Variants in FAHD1 observed in about 807,000 individuals in gnomAD.
FAHD1 encodes the protein oxaloacetate tautomerase FAHD1, mitochondrial.
FAHD1 carries 14 observed loss-of-function variants against 12.7 expected under a neutral mutation model. The observed-to-expected ratio is 1.10, with a 90% CI of 0.73 to 1.72. The LOEUF (loss-of-function observed/expected upper bound fraction) is 1.72. Among genes scored for constraint, FAHD1 ranks in the 40% most tolerant of loss-of-function variants. The probability of loss-of-function intolerance (pLI) is 0.00; values close to 1 mark genes in which losing one functional copy is unlikely to be tolerated. For synonymous variants in FAHD1, 153 were observed against 124.9 expected (o/e 1.22, Z -1.50); for missense variants, 351 against 298.9 (o/e 1.17, Z -1.29).
chr16:1,829,234 C>T (rs1325386915), downstream of FAHD1, among the ~76,000 whole-genome samples: 1 of 152,168 alleles, frequency 6.6e-6, no homozygotes, highest in African/African-American at 2.4e-5. Flanking sequence ...ATCTGCTGGC[C>T]CCTGAAGAAA....
At chr16:1,828,861 G>A (rs34277837) in exon 1 of FAHD1, 22,073 of 999,998 alleles carry the variant, frequency 0.022, 307 homozygotes, top group Middle Eastern at 0.045. Flanking sequence ...TCTGAGTTCG[G>A]GAGATGATTT....
At chr16:1,834,308 A>G (rs778489014) in intron 1 of FAHD1, 9 of 1,613,532 alleles carry the variant, frequency 5.6e-6, no homozygotes, top group South Asian at 3.3e-5. Flanking sequence ...AGGATCTGCA[A>G]GCTTGCACGA....
chr16:1,828,767 G>A (rs1479771592), exon 1 of FAHD1: 6 of 992,418 alleles, frequency 6.0e-6, no homozygotes, highest in Non-Finnish European at 6.1e-6. Context: ...TACATAATCG[G>A]TTAATTTAAA....
At chr16:1,829,218 C>T (rs1441719371), downstream of FAHD1, among the ~76,000 whole-genome samples, 1 of 152,218 alleles carries the variant, frequency 6.6e-6, no homozygotes, top group Non-Finnish European at 1.5e-5. Flanking sequence ...TGTTCGCGTT[C>T]ACATCATCTG....
At chr16:1,831,063 G>A (rs1898613982), downstream of FAHD1, among the ~76,000 whole-genome samples, 1 of 152,110 alleles carries the variant, frequency 6.6e-6, no homozygotes, top group African/African-American at 2.4e-5. Flanking sequence ...TCACGCTTAA[G>A]AAAATAATTC....
exon 2 of FAHD1, chr16:1,838,111 A>G: frequency 1.6e-6 from 1 of 640,486 alleles, no homozygotes; most frequent in Non-Finnish European, 2.7e-6. Flanking sequence ...ATCCTCCCTC[A>G]GCTTCCCGTT....
chr16:1,835,862 CTTTTT>C (rs34146401), intron 1 of FAHD1, among the ~76,000 whole-genome samples: 2 of 142,768 alleles, frequency 1.4e-5, no homozygotes. Flanking sequence ...ATTCCTTTTT[CTTTTT>C]TTTTTTTTTT....
At chr16:1,829,279 A>G (rs543886502), downstream of FAHD1, among the ~76,000 whole-genome samples, 13 of 152,304 alleles carry the variant, frequency 8.5e-5, no homozygotes, top group African/African-American at 2.6e-4. Flanking sequence ...AACGGTCCCC[A>G]TGTATTGAAC....
chr16:1,832,551 C>G (rs922257436), downstream of FAHD1, among the ~76,000 whole-genome samples: 1 of 151,622 alleles, frequency 6.6e-6, no homozygotes, highest in East Asian at 1.9e-4. Flanking sequence ...TTTGGGAGGC[C>G]GAGGTGGGTG....
At chr16:1,832,779 C>T (rs1898647353), downstream of FAHD1, among the ~76,000 whole-genome samples, 1 of 152,046 alleles carries the variant, frequency 6.6e-6, no homozygotes, top group Non-Finnish European at 1.5e-5. Context: ...CTCCTTCCTT[C>T]CCTGTCCACC....
chr16:1,835,151 G>A (rs1347471247), intron 1 of FAHD1, among the ~76,000 whole-genome samples: 1 of 152,084 alleles, frequency 6.6e-6, no homozygotes, highest in African/African-American at 2.4e-5. Flanking sequence ...GCTACTCGGT[G>A]GCTGAGGCGG....
At chr16:1,831,159 A>G (rs1156977049), downstream of FAHD1, among the ~76,000 whole-genome samples, 2 of 152,206 alleles carry the variant, frequency 1.3e-5, no homozygotes, top group Admixed American at 6.5e-5. Context: ...GCCTTTTATA[A>G]AAAAATGAGT....
At chr16:1,832,263 C>T (rs1396954372), downstream of FAHD1, among the ~76,000 whole-genome samples, 16 of 142,426 alleles carry the variant, frequency 1.1e-4, no homozygotes, top group Admixed American at 1.0e-3. Flanking sequence ...CTCCGCCTCC[C>T]GGGTTCACGC....
At chr16:1,836,185 T>TTTTTGGATTTTGG (rs1898740902) in intron 1 of FAHD1, among the ~76,000 whole-genome samples, 1 of 152,074 alleles carries the variant, frequency 6.6e-6, no homozygotes, top group Non-Finnish European at 1.5e-5. Flanking sequence ...TGCATCATGG[T>TTTTTGGATTTTGG]TTTTGGATTT....
At chr16:1,828,940 C>T, downstream of FAHD1, 4 of 999,016 alleles carry the variant, frequency 4.0e-6, no homozygotes, top group Non-Finnish European at 4.8e-6. Flanking sequence ...TTTTTCCCCC[C>T]AGTAATGACG....
At chr16:1,830,944 A>ACACACACACACCACACCCACC (rs57025691), downstream of FAHD1, among the ~76,000 whole-genome samples, 1 of 147,206 alleles carries the variant, frequency 6.8e-6, no homozygotes, top group Non-Finnish European at 1.5e-5. Flanking sequence ...ACACACACAC[A>ACACACACACACCACACCCACC]CCCATATTTT....
chr16:1,837,486 G>A (rs115944821), intron 1 of FAHD1, among the ~76,000 whole-genome samples: 1 of 152,114 alleles, frequency 6.6e-6, no homozygotes, highest in Admixed American at 6.6e-5. Context: ...GATTACAGGT[G>A]TGTACTATTG....
At chr16:1,837,086 C>G (rs577118900) in intron 1 of FAHD1, among the ~76,000 whole-genome samples, 37 of 152,280 alleles carry the variant, frequency 2.4e-4, no homozygotes, top group African/African-American at 8.7e-4. Context: ...TGCACTTTTC[C>G]TCCTCTGACA....
At chr16:1,828,681 G>A (rs1172416390) in exon 1 of FAHD1, 5 of 929,272 alleles carry the variant, frequency 5.4e-6, no homozygotes, top group Admixed American at 6.2e-5. Context: ...CAATTTGATA[G>A]GATTAATCTC....
Sources: gnomAD v4.1 joint callset for allele counts (sites outside exome capture counted in the v4.1 genomes callset) on GRCh38, gnomAD v4.1.1 for gene constraint, MANE v1.5 for transcripts, NCBI Gene and HGNC (gene_info 2026-07-23, HGNC 2026-07-21) for gene names.